The following PDE9A variants were observed in gnomAD, a reference collection of about 807,000 sequenced individuals.
PDE9A encodes high affinity cGMP-specific 3',5'-cyclic phosphodiesterase 9A.
A neutral mutation model predicts 87.4 loss-of-function variants in PDE9A; 60 were observed. That is an observed-to-expected ratio of 0.69 (90% CI 0.56 to 0.85). PDE9A has a LOEUF of 0.85. Among genes scored for constraint, PDE9A ranks in the 40% least tolerant of loss-of-function variants. The pLI, the probability that PDE9A is intolerant of heterozygous loss-of-function variation, is 0.00. For missense variants in PDE9A, 665 were observed against 779.0 expected, an observed-to-expected ratio of 0.85 and a Z score of 1.74; for synonymous variants, 272 against 279.4, an observed-to-expected ratio of 0.97 and a Z score of 0.27.
chr21:42,688,021 G>A (rs112750444), intron 3 of PDE9A, 27 bp downstream of exon 3: 12 of 1,581,476 alleles, frequency 7.6e-6, no homozygotes, highest in African/African-American at 1.3e-5. Context: ...GCGCTCCTCG[G>A]GGTGTGCCTG....
At chr21:42,726,619 TATATA>T (rs1308566414) in intron 4 of PDE9A, among the ~76,000 whole-genome samples, 46 of 36,858 alleles carry the variant, frequency 1.2e-3, no homozygotes, top group African/African-American at 8.2e-3. Flanking sequence ...TATATATATA[TATATA>T]TTTTTTTTTT....
rs536161208 is a variant in PDE9A at position 42,722,330 on chromosome 21, G to A, written c.263-9440G>A. The stretch of plus-strand genomic sequence containing the variant: ...AGTGTCTGCTAAGTATGTATTCACC[G>A]GAGGGTGCTCAGCACCTCGCCCTGT... On this transcript the variant is annotated intron_variant, in intron 4 of 19. Transcript: ENST00000291539. The surrounding 1 kb of genome is among the most constrained non-coding windows in gnomAD (Gnocchi z 4.1). 4.6e-5 allele frequency among the ~76,000 whole-genome samples: 7 copies of A among 152,254 alleles called. No individual in the cohort carries two copies. Among genetic ancestry groups the A allele is most frequent in the African/African-American group, 1.2e-4 (5 of 41,540 alleles).
rs2055565751 is a variant in PDE9A, at chr21:42,760,303, G to A, written c.898-25G>A. The A allele has an allele frequency of 1.4e-6, 2 of 1,438,404 alleles. No homozygotes were observed. The highest frequency in any genetic ancestry group is 9.8e-7 in the Non-Finnish European group (1 of 1,025,168). 89.1% of individuals were successfully genotyped at this position (1,438,404 alleles called of 1,614,324 possible). A position where few individuals can be genotyped will look rare whatever the true frequency, so the allele number is the denominator to read the frequency against. ...AGGTGGGCGGGCCCAGGCACAGGGT[G>A]ACTCGGACCCCCTGCCTCCCGCAGT... is the stretch of plus-strand genomic sequence containing the variant. On this transcript the variant is annotated intron_variant, in intron 11 of 19. Transcript: ENST00000291539. This position sits in a 1 kb window ranked among gnomAD's most constrained non-coding sequence, Gnocchi z 5.2.
rs1160104749 is a variant in PDE9A, at chr21:42,653,784, A to G, written c.-31A>G. 1.4e-6 allele frequency: 2 copies of G among 1,437,196 alleles called. No individual in the cohort carries two copies. Among genetic ancestry groups the G allele is most frequent in the Admixed American group, 4.3e-5 (2 of 46,262 alleles). 89.0% of individuals were successfully genotyped at this position (1,437,196 alleles called of 1,614,324 possible). A position where few individuals can be genotyped will look rare whatever the true frequency, so the allele number is the denominator to read the frequency against. On this transcript the variant is annotated 5_prime_UTR_variant, in exon 1 of 20. Transcript: ENST00000291539. ...GCGGCTGGCGTCGGGAAAGTACAGT[A>G]AAAAGTCCGAGTGCAGCCGCCGGGC...
chr21:42,756,509 A>G (rs1330087665), intron 10 of PDE9A, among the ~76,000 whole-genome samples: 2 of 152,196 alleles, frequency 1.3e-5, no homozygotes, highest in Non-Finnish European at 2.9e-5. Context: ...GACAGAGGAC[A>G]TGACTTCAGG....
At position 42,770,800 on chromosome 21, in the gene PDE9A, T is replaced by C; in HGVS notation, c.1686+2T>C. ...CGGATAGATGACGCCATGAAAGAGG[T>C]AAAACACACTGAGAAGAGCCTGCCT... is the stretch of plus-strand genomic sequence containing the variant. On this transcript the variant is annotated splice_donor_variant, in intron 18 of 19. Transcript: ENST00000291539. LOFTEE classifies it high-confidence loss of function. 1 of 1,608,610 alleles carries C rather than the reference T, an allele frequency of 6.2e-7. No individual in the cohort carries two copies. The highest frequency in any genetic ancestry group is 1.1e-5 in the South Asian group (1 of 90,942).
At chr21:42,706,274 T>C (rs1261868927) in intron 4 of PDE9A, among the ~76,000 whole-genome samples, 1 of 152,200 alleles carries the variant, frequency 6.6e-6, no homozygotes, top group Admixed American at 6.5e-5. Flanking sequence ...AATATAAAAA[T>C]CTCAGTCATT....
intron 4 of PDE9A, 123 bp downstream of exon 4, chr21:42,699,134 C>T: frequency 3.0e-6 from 2 of 665,158 alleles, no homozygotes; most frequent in Non-Finnish European, 5.4e-6. Context: ...ATATGAGTTA[C>T]CTTTGAAGCA....
intron 1 of PDE9A, among the ~76,000 whole-genome samples, chr21:42,681,496 G>A (rs1304949624): frequency 3.9e-5 from 6 of 152,164 alleles, no homozygotes; most frequent in Admixed American, 2.6e-4. Context: ...ACTAGTGCTT[G>A]CCTGTGGTTG....
In PDE9A at chr21:42,739,496, G is replaced by A. The variant is rs148452861; in HGVS notation, c.569-4280G>A. On this transcript the variant is annotated intron_variant, in intron 7 of 19. Coordinates refer to ENST00000291539, the MANE Select transcript of PDE9A (RefSeq NM_002606.3). This position sits in a 1 kb window ranked among gnomAD's most constrained non-coding sequence, Gnocchi z 4.1. Reference sequence around the variant, plus strand: ...TCTGCCTCCTCCTGCAGACCTCCCCGCCAGCCCCGTCATTTCATGGCATCT... The same window carrying A: ...TCTGCCTCCTCCTGCAGACCTCCCCACCAGCCCCGTCATTTCATGGCATCT... 2.9e-3 allele frequency among the ~76,000 whole-genome samples: 447 copies of A among 152,314 alleles called. 3 individuals carry two copies. The highest frequency in any genetic ancestry group is 6.8e-3 in the Middle Eastern group (2 of 294).
At chr21:42,654,175 A>G (rs1188521040) in intron 1 of PDE9A, among the ~76,000 whole-genome samples, 1 of 152,126 alleles carries the variant, frequency 6.6e-6, no homozygotes, top group Non-Finnish European at 1.5e-5. Context: ...GGGCTGGCAC[A>G]TGAAGCCTTT....
chr21:42,670,485 C>T (rs530785715), intron 1 of PDE9A, among the ~76,000 whole-genome samples: 10 of 151,926 alleles, frequency 6.6e-5, no homozygotes, highest in South Asian at 2.1e-4. Context: ...TACACACATA[C>T]ACTTACACAC....
intron 7 of PDE9A, among the ~76,000 whole-genome samples, chr21:42,742,061 T>C (rs1172094224): frequency 6.6e-6 from 1 of 152,226 alleles, no homozygotes; most frequent in Non-Finnish European, 1.5e-5. Flanking sequence ...TGGCAGCTTT[T>C]CTGGGGTAAA....
chr21:42,691,916 C>T (rs942445597), intron 3 of PDE9A, among the ~76,000 whole-genome samples: 1 of 151,900 alleles, frequency 6.6e-6, no homozygotes, highest in Admixed American at 6.6e-5. Context: ...TCCAAAGTCA[C>T]CCAGACCCAT....
At chr21:42,751,263 G>T (rs1353274784) in intron 9 of PDE9A, 66 bp downstream of exon 9, 4 of 1,169,966 alleles carry the variant, frequency 3.4e-6, no homozygotes, top group Non-Finnish European at 5.2e-6. Context: ...CAGCCCTGTG[G>T]CCCTGCGGCC....
intron 1 of PDE9A, among the ~76,000 whole-genome samples, chr21:42,664,836 G>A (rs1183138792): frequency 6.6e-6 from 1 of 152,220 alleles, no homozygotes; most frequent in Non-Finnish European, 1.5e-5. Context: ...ACTTCCGCCC[G>A]CCTGCACTGT....
Position 42,706,770 on chromosome 21 carries a change from C to G in PDE9A, c.262+7759C>G, listed in dbSNP as rs573633519. ...AAGAATCCCTGTACCTGTGAGCAGT[C>G]CCCCCTCCATCCCCTTCACCCCCCA... is the stretch of plus-strand genomic sequence containing the variant. On this transcript the variant is annotated intron_variant, in intron 4 of 19. Coordinates refer to ENST00000291539, the MANE Select transcript of PDE9A (RefSeq NM_002606.3). Among the ~76,000 whole-genome samples the G allele has an allele frequency of 1.0e-4, 15 of 147,102 alleles. No homozygotes were observed. In the South Asian group the frequency reaches 2.9e-3, roughly 29 times the overall value.
chr21:42,707,009 T>A (rs2048898220), intron 4 of PDE9A, among the ~76,000 whole-genome samples: 1 of 152,202 alleles, frequency 6.6e-6, no homozygotes, highest in Admixed American at 6.5e-5. Context: ...GTCACGTGGC[T>A]ACGTCACGTT....
chr21:42,693,098 C>T (rs1349434992), intron 3 of PDE9A, among the ~76,000 whole-genome samples: 1 of 152,160 alleles, frequency 6.6e-6, no homozygotes, highest in Non-Finnish European at 1.5e-5. Context: ...CCCACGGGGC[C>T]TGGAAATTCA....
Sources: gnomAD v4.1 joint callset for allele counts (sites outside exome capture counted in the v4.1 genomes callset) on GRCh38, gnomAD v4.1.1 for gene constraint, Gnocchi (gnomAD v3.1) non-coding constraint, MANE v1.5 for transcripts, NCBI Gene and HGNC (gene_info 2026-07-23, HGNC 2026-07-21) for gene names.